MGME1: variants seen among roughly 807,000 people sequenced by gnomAD.
The protein encoded by MGME1 is chromosome 20 open reading frame 72.
In MGME1, 22 loss-of-function variants were observed where a neutral mutation model predicts 33.0. The ratio of observed to expected loss-of-function variants is 0.67; its 90% CI spans 0.48 to 0.95. The LOEUF (loss-of-function observed/expected upper bound fraction) is 0.95, where lower values mean the gene tolerates loss of function less well. Ranked by LOEUF, MGME1 falls within the 40% of genes least tolerant of loss-of-function variation. MGME1 has a pLI of 0.00. For missense variants in MGME1, 383 were observed against 397.8 expected (o/e 0.96, Z 0.32); for synonymous variants, 133 against 144.0 (o/e 0.92, Z 0.55).
At chr20:17,981,648 CGTGTGTGTGTGTGTG>C (rs2036022530) in intron 3 of MGME1, among the ~76,000 whole-genome samples, 1 of 139,696 alleles carries the variant, frequency 7.2e-6, no homozygotes, top group African/African-American at 2.7e-5. Context: ...ATCTACTACT[CGTGTGTGTGTGTGTG>C]TGTGTGTGTG....
chr20:17,968,694 G>GCCTA (rs2035622079), upstream of MGME1: 1 of 555,072 alleles, frequency 1.8e-6, no homozygotes, highest in Non-Finnish European at 3.3e-6. Flanking sequence ...GCCACGTGGG[G>GCCTA]CCTACCCTTG....
chr20:17,987,111 C>T (rs372679103), intron 3 of MGME1, among the ~76,000 whole-genome samples: 2 of 146,484 alleles, frequency 1.4e-5, no homozygotes, highest in East Asian at 4.0e-4. Context: ...ACCCAGGAGG[C>T]GGAGGTTGTG....
chr20:17,968,645 C>T (rs2035620067), upstream of MGME1: 1 of 613,766 alleles, frequency 1.6e-6, no homozygotes, highest in South Asian at 1.6e-5. Context: ...AGCAGCCTCC[C>T]AGTCCCCGCT....
intron 3 of MGME1, among the ~76,000 whole-genome samples, chr20:17,980,015 G>A (rs2122561639): frequency 6.6e-6 from 1 of 152,138 alleles, no homozygotes; most frequent in East Asian, 1.9e-4. Flanking sequence ...ACAAACGTGA[G>A]CCCCTATGCC....
chr20:17,985,005 C>T (rs1383288314), intron 3 of MGME1, among the ~76,000 whole-genome samples: 2 of 145,806 alleles, frequency 1.4e-5, no homozygotes, highest in Non-Finnish European at 3.0e-5. Flanking sequence ...CCACTGCACT[C>T]CAGCCTGGGT....
chr20:17,988,312 G>A lies in MGME1; in HGVS notation c.864+14G>A. Reference sequence around the variant, plus strand: ...TACAGCTTTCAGGTCAGGACACTGAGCCTTTACTTAAAGCTTTGCTCAATG... The same window carrying A: ...TACAGCTTTCAGGTCAGGACACTGAACCTTTACTTAAAGCTTTGCTCAATG... On this transcript the variant is annotated intron_variant, in intron 4 of 4. Coordinates refer to ENST00000377710, the MANE Select transcript of MGME1 (RefSeq NM_052865.4). 1 of 1,610,286 alleles carries A rather than the reference G, an allele frequency of 6.2e-7. No homozygotes were observed. Among genetic ancestry groups the A allele is most frequent in the East Asian group, 2.2e-5 (1 of 44,786 alleles).
At chr20:17,985,398 G>A (rs555446600) in intron 3 of MGME1, among the ~76,000 whole-genome samples, 1 of 152,316 alleles carries the variant, frequency 6.6e-6, no homozygotes, top group Admixed American at 6.5e-5. Flanking sequence ...ACTCCAGCCT[G>A]GGCAACAAGA....
chr20:17,969,664 T>A, intron 1 of MGME1, 137 bp from the exon 2 acceptor site: 2 of 543,682 alleles, frequency 3.7e-6, no homozygotes, highest in Admixed American at 7.3e-5. Flanking sequence ...TATAAATTTT[T>A]TTTGGAGGCA....
At chr20:17,976,755 A>G (rs1036460246) in intron 3 of MGME1, among the ~76,000 whole-genome samples, 14 of 152,068 alleles carry the variant, frequency 9.2e-5, no homozygotes, top group Non-Finnish European at 1.9e-4. Context: ...TCCATCTCCT[A>G]GGTTCAAGCT....
At chr20:17,977,326 A>C (rs547625773) in intron 3 of MGME1, among the ~76,000 whole-genome samples, 1 of 151,948 alleles carries the variant, frequency 6.6e-6, no homozygotes, top group African/African-American at 2.4e-5. Context: ...CAGTGAACCG[A>C]GATGGTGCCA....
intron 2 of MGME1, among the ~76,000 whole-genome samples, chr20:17,975,483 G>C (rs2035837244): frequency 6.6e-6 from 1 of 151,630 alleles, no homozygotes; most frequent in Non-Finnish European, 1.5e-5. Flanking sequence ...CTTGACCCCA[G>C]GAGGCAGAGG....
At chr20:17,972,436 A>ATT (rs143594137) in intron 2 of MGME1, among the ~76,000 whole-genome samples, 5 of 125,718 alleles carry the variant, frequency 4.0e-5, no homozygotes, top group Admixed American at 2.4e-4. Flanking sequence ...TTAGGTTTTA[A>ATT]TTTTTTTTTT....
intron 3 of MGME1, 120 bp from the exon 4 acceptor site, chr20:17,988,046 G>A (rs1439755660): frequency 1.0e-5 from 10 of 977,522 alleles, no homozygotes; most frequent in East Asian, 5.5e-5. Flanking sequence ...AAAAAATGGT[G>A]AATAAGAGCA....
rs1158673311 is a variant in MGME1, at chr20:17,984,898, G to T, written c.732-3268G>T. Among the ~76,000 whole-genome samples the T allele has an allele frequency of 2.6e-5, 4 of 152,100 alleles. No individual in the cohort carries two copies. The East Asian group carries it at 7.7e-4, about 29-fold the overall frequency. On this transcript the variant is annotated intron_variant, in intron 3 of 4. Transcript: ENST00000377710. ...TACAAATGCAAAAAATTACCCGGGTGTGGTGGCACATGCCTGTAATCCCAG... is the reference window on the plus strand; with the variant it reads ...TACAAATGCAAAAAATTACCCGGGTTTGGTGGCACATGCCTGTAATCCCAG...
In MGME1 at chr20:17,988,236, A is replaced by G; in HGVS notation, c.802A>G (p.Asn268Asp). 1 of 1,614,128 alleles carries G rather than the reference A, an allele frequency of 6.2e-7. No homozygotes were observed. Among genetic ancestry groups the G allele is most frequent in the Non-Finnish European group, 8.5e-7 (1 of 1,179,970 alleles). The change falls in exon 4 of 5, where the codon AAC becomes GAC. Residue 268 changes from asparagine (N) to aspartate (D), a missense_variant. Coordinates refer to ENST00000377710, the MANE Select transcript of MGME1 (RefSeq NM_052865.4). Reference protein sequence around the residue: ...PKPFIQSTFDNPLQVVAYMGA... With the variant: ...PKPFIQSTFDDPLQVVAYMGA... ...GCCTTTTATTCAAAGTACATTTGAC[A>G]ACCCACTGCAAGTTGTGGCATACAT...
At chr20:17,983,165 CTT>C (rs2036069710) in intron 3 of MGME1, among the ~76,000 whole-genome samples, 1 of 151,906 alleles carries the variant, frequency 6.6e-6, no homozygotes, top group African/African-American at 2.4e-5. Flanking sequence ...CAGTATTTGT[CTT>C]TTTGTGCCCA....
At chr20:17,984,428 T>C (rs1372642350) in intron 3 of MGME1, among the ~76,000 whole-genome samples, 1 of 152,188 alleles carries the variant, frequency 6.6e-6, no homozygotes, top group East Asian at 1.9e-4. Flanking sequence ...GATGTTATGT[T>C]ATAGTGCAAC....
chr20:17,977,591 T>C (rs2035900890), intron 3 of MGME1, among the ~76,000 whole-genome samples: 2 of 152,202 alleles, frequency 1.3e-5, no homozygotes, highest in African/African-American at 4.8e-5. Context: ...AGATGTGCTC[T>C]ACTGCAAGGG....
At chr20:17,977,024 A>G (rs1461690395) in intron 3 of MGME1, among the ~76,000 whole-genome samples, 1 of 151,988 alleles carries the variant, frequency 6.6e-6, no homozygotes. Flanking sequence ...TCCAAGTGTT[A>G]CAGGAAAGGG....
Sources: allele counts gnomAD v4.1 joint callset (sites outside exome capture counted in the v4.1 genomes callset), GRCh38; gene constraint gnomAD v4.1.1; transcripts MANE v1.5; gene names NCBI Gene and HGNC (gene_info 2026-07-23, HGNC 2026-07-21).